The following JPH3 variants were observed in gnomAD, a reference collection of about 807,000 sequenced individuals.
The protein encoded by JPH3 is junctophilin-3.
Under a neutral mutation model 59.6 loss-of-function variants are expected in JPH3, and 11 were observed. The ratio of observed to expected loss-of-function variants is 0.18; its 90% CI spans 0.12 to 0.31. The LOEUF is 0.31. Ranked by LOEUF, JPH3 falls within the 10% of genes least tolerant of loss-of-function variation. The pLI, the probability that JPH3 is intolerant of heterozygous loss-of-function variation, is 1.00. For missense variants in JPH3, 1,202 were observed against 1,105.7 expected (o/e 1.09, Z -1.24); for synonymous variants, 673 against 483.6 (o/e 1.39, Z -5.14).
At chr16:87,641,112 C>T (rs935993007) in intron 1 of JPH3, among the ~76,000 whole-genome samples, 1 of 152,218 alleles carries the variant, frequency 6.6e-6, no homozygotes, top group Admixed American at 6.5e-5. Flanking sequence ...CTCCCCGTGC[C>T]CATCACAACT....
intron 2 of JPH3, among the ~76,000 whole-genome samples, chr16:87,658,549 C>A (rs1043512881): frequency 6.6e-6 from 1 of 152,160 alleles, no homozygotes; most frequent in African/African-American, 2.4e-5. Context: ...CCTTCTCTCT[C>A]TCTCCCCAAC....
chr16:87,618,311 G>T (rs2031048210), intron 1 of JPH3, among the ~76,000 whole-genome samples: 1 of 152,254 alleles, frequency 6.6e-6, no homozygotes, highest in Non-Finnish European at 1.5e-5. Flanking sequence ...GAGGAGGCAG[G>T]AGGAGGGAGG....
At chr16:87,636,366 A>C (rs530068004) in intron 1 of JPH3, among the ~76,000 whole-genome samples, 1 of 152,252 alleles carries the variant, frequency 6.6e-6, no homozygotes, top group African/African-American at 2.4e-5. Context: ...TTGTTTACTT[A>C]ATCAAGCATA....
rs560269768 is a variant in JPH3 at position 87,655,377 on chromosome 16, G to GT, written c.1160+10344dup. On this transcript the variant is annotated intron_variant, in intron 2 of 4. Transcript: ENST00000284262. ...AGGGTGTTATTTTTTGTGACAGGGT[G>GT]TTGTTCTGCTCTGTCCCCCGGGCTG... is the stretch of plus-strand genomic sequence containing the variant. Among the ~76,000 whole-genome samples, 614 of 151,996 alleles carry GT rather than the reference G, an allele frequency of 4.0e-3. 8 individuals are homozygous for GT. The highest frequency in any genetic ancestry group is 0.014 in the African/African-American group (580 of 41,408).
intron 1 of JPH3, among the ~76,000 whole-genome samples, chr16:87,612,178 A>G (rs2030753953): frequency 6.6e-6 from 1 of 152,022 alleles, no homozygotes; most frequent in South Asian, 2.1e-4. Flanking sequence ...CTGGCGTGCA[A>G]TAGTGTGTGA....
chr16:87,686,609 C>T (rs1388172170), intron 3 of JPH3, among the ~76,000 whole-genome samples: 2 of 135,474 alleles, frequency 1.5e-5, no homozygotes, highest in Non-Finnish European at 3.1e-5. Context: ...CAGTCCTGGA[C>T]TTGGAGATAC....
chr16:87,623,834 GACC>G (rs2031276331), intron 1 of JPH3, among the ~76,000 whole-genome samples: 2 of 152,240 alleles, frequency 1.3e-5, no homozygotes, highest in East Asian at 3.9e-4. Context: ...CCTCCCTGGG[GACC>G]ACATGCCCAG....
At chr16:87,624,469 C>T (rs1156891430) in intron 1 of JPH3, among the ~76,000 whole-genome samples, 5 of 152,240 alleles carry the variant, frequency 3.3e-5, no homozygotes, top group Admixed American at 2.6e-4. Flanking sequence ...GGTTCACCCG[C>T]GTGGGAGCTG....
intron 2 of JPH3, among the ~76,000 whole-genome samples, chr16:87,649,067 A>T (rs1006974056): frequency 3.3e-5 from 5 of 152,216 alleles, no homozygotes; most frequent in Admixed American, 3.3e-4. Context: ...GGCAGTGGAG[A>T]CGAGGGAGGG....
At chr16:87,675,503 T>G (rs2033121815) in intron 2 of JPH3, among the ~76,000 whole-genome samples, 1 of 152,170 alleles carries the variant, frequency 6.6e-6, no homozygotes, top group Admixed American at 6.5e-5. Flanking sequence ...AGCGGGCAGA[T>G]GAGCCCAGCA....
rs1355181182 is a variant in JPH3 at position 87,611,335 on chromosome 16, TG to T, written c.382+7812del. Among the ~76,000 whole-genome samples, 1 of 152,106 alleles carries T rather than the reference TG, an allele frequency of 6.6e-6. No individual in the cohort carries two copies. The highest frequency in any genetic ancestry group is 6.6e-5 in the Admixed American group (1 of 15,264). On this transcript the variant is annotated intron_variant, in intron 1 of 4. Transcript: ENST00000284262. This position sits in a 1 kb window ranked among gnomAD's most constrained non-coding sequence, Gnocchi z 4.5. ...TCCCTGAAGGAGCGGCAGAGGCTTCTGGGGGTAGGCAGTGCCTGAGTTGAGT... is the reference window on the plus strand; with the variant it reads ...TCCCTGAAGGAGCGGCAGAGGCTTCTGGGGTAGGCAGTGCCTGAGTTGAGT...
At chr16:87,677,077 T>G (rs1041848466) in intron 2 of JPH3, among the ~76,000 whole-genome samples, 1 of 151,168 alleles carries the variant, frequency 6.6e-6, no homozygotes, top group Non-Finnish European at 1.5e-5. Flanking sequence ...GAGAATGGCG[T>G]GAACCCGGGA....
At chr16:87,696,239 C>T (rs568641852) in intron 4 of JPH3, 48 of 435,318 alleles carry the variant, frequency 1.1e-4, no homozygotes, top group South Asian at 4.5e-4. Flanking sequence ...AAAGGCCACA[C>T]GCACCGAGAC....
chr16:87,644,335 G>A lies in JPH3; in HGVS notation c.460G>A (p.Ala154Thr), dbSNP rs146321235. Residue 154 changes from alanine to threonine, a missense_variant, in exon 2 of 5, where the codon GCG becomes ACG. Ala to Thr is a moderately conservative substitution (Grantham distance 58, BLOSUM62 0). Coordinates refer to ENST00000284262, the MANE Select transcript of JPH3 (RefSeq NM_020655.4). ...GCAGAGCGTCCCGTATGGCATGGCC[G>A]CGGTCATCCGCTCACCCCTGAGGAC... Reference protein sequence around the residue: ...VRQSVPYGMAAVIRSPLRTSI... With the variant: ...VRQSVPYGMATVIRSPLRTSI... The A allele has an allele frequency of 4.3e-5, 69 of 1,612,960 alleles. No homozygotes were observed. The highest frequency in any genetic ancestry group is 1.6e-4 in the Middle Eastern group (1 of 6,062).
At chr16:87,645,148 C>T (rs779298496) in intron 2 of JPH3, 113 bp downstream of exon 2, 19 of 1,094,716 alleles carry the variant, frequency 1.7e-5, no homozygotes, top group Non-Finnish European at 2.4e-5. Context: ...AGTTTGAGGC[C>T]TACACTGGTG....
intron 2 of JPH3, among the ~76,000 whole-genome samples, chr16:87,655,969 C>T (rs1056231425): frequency 1.3e-5 from 2 of 152,252 alleles, no homozygotes; most frequent in African/African-American, 4.8e-5. Flanking sequence ...GCATAGATGT[C>T]CTGAGTGGGA....
chr16:87,672,535 C>G (rs2033044544), intron 2 of JPH3, among the ~76,000 whole-genome samples: 1 of 152,214 alleles, frequency 6.6e-6, no homozygotes, highest in East Asian at 1.9e-4. Context: ...CCACAGCCGT[C>G]CATCACTTTC....
At chr16:87,670,021 C>A (rs2032973731) in intron 2 of JPH3, among the ~76,000 whole-genome samples, 1 of 152,128 alleles carries the variant, frequency 6.6e-6, no homozygotes, top group Non-Finnish European at 1.5e-5. Flanking sequence ...GGGAGCTCTG[C>A]CTTCATCCTT....
At chr16:87,617,984 G>A (rs1413721515) in intron 1 of JPH3, among the ~76,000 whole-genome samples, 1 of 151,932 alleles carries the variant, frequency 6.6e-6, no homozygotes, top group Non-Finnish European at 1.5e-5. Context: ...GCATCATAAC[G>A]AAGCCCCGTC....
Sources: allele counts gnomAD v4.1 joint callset (sites outside exome capture counted in the v4.1 genomes callset), GRCh38; gene constraint gnomAD v4.1.1; non-coding constraint Gnocchi (gnomAD v3.1); transcripts MANE v1.5; gene names NCBI Gene and HGNC (gene_info 2026-07-23, HGNC 2026-07-21).